ROR1: variants seen among roughly 807,000 people sequenced by gnomAD.
The protein encoded by ROR1 is ROR family WNT receptor 1, also known as inactive tyrosine-protein kinase transmembrane receptor ROR1.
In ROR1, 19 loss-of-function variants were observed where a neutral mutation model predicts 78.8. The observed-to-expected ratio is 0.24, with a 90% CI of 0.17 to 0.35. The LOEUF is 0.35. Among genes scored for constraint, ROR1 ranks in the 10% least tolerant of loss-of-function variants. The pLI is 1.00. For missense variants in ROR1, 917 were observed against 1,177.8 expected, an observed-to-expected ratio of 0.78 and a Z score of 3.24; for synonymous variants, 386 against 433.6, an observed-to-expected ratio of 0.89 and a Z score of 1.36.
intron 1 of ROR1, among the ~76,000 whole-genome samples, chr1:63,855,551 A>T (rs993286597): frequency 6.6e-6 from 1 of 151,540 alleles, no homozygotes; most frequent in Admixed American, 6.6e-5. Flanking sequence ...TTTTGAGTTT[A>T]CTAATATTTA....
intron 1 of ROR1, among the ~76,000 whole-genome samples, chr1:63,923,160 GCA>G (rs1645671565): frequency 6.6e-6 from 1 of 152,158 alleles, no homozygotes; most frequent in African/African-American, 2.4e-5. Flanking sequence ...TCCCAGCGTG[GCA>G]CTTCAGCCCC....
chr1:64,119,949 G>A (rs1300359439), intron 4 of ROR1, among the ~76,000 whole-genome samples: 1 of 152,176 alleles, frequency 6.6e-6, no homozygotes, highest in Non-Finnish European at 1.5e-5. Flanking sequence ...TTAAAAAGGG[G>A]TCTTCTAGAA....
At chr1:63,801,932 T>C (rs1448084148) in intron 1 of ROR1, among the ~76,000 whole-genome samples, 1 of 152,116 alleles carries the variant, frequency 6.6e-6, no homozygotes, top group African/African-American at 2.4e-5. Flanking sequence ...TTCTCTAAAG[T>C]GGATAGAAGC....
intron 4 of ROR1, among the ~76,000 whole-genome samples, chr1:64,066,998 A>G (rs1473301674): frequency 1.3e-5 from 2 of 152,068 alleles, no homozygotes; most frequent in African/African-American, 2.4e-5. Context: ...TTCAAACTCC[A>G]GTGTGTACCT....
intron 1 of ROR1, among the ~76,000 whole-genome samples, chr1:63,803,283 C>A (rs1644807132): frequency 6.6e-6 from 1 of 151,928 alleles, no homozygotes; most frequent in Non-Finnish European, 1.5e-5. Flanking sequence ...ATTAAATTAT[C>A]TACATTGTAT....
chr1:64,056,648 C>A (rs1646877216), intron 4 of ROR1, among the ~76,000 whole-genome samples: 1 of 151,332 alleles, frequency 6.6e-6, no homozygotes, highest in South Asian at 2.1e-4. Context: ...TGCAGTCCAG[C>A]CTGGCCAGCA....
chr1:64,053,965 A>ATTTTATTTTATTTTATTTTATTT (rs1460407003), intron 4 of ROR1, among the ~76,000 whole-genome samples: 2,024 of 151,792 alleles, frequency 0.013, 53 homozygotes, highest in African/African-American at 0.046. Context: ...ATTTTATTTT[A>ATTTTATTTTATTTTATTTTATTT]TTTTGAAACA....
At chr1:64,158,209 T>C (rs1055440997) in intron 7 of ROR1, among the ~76,000 whole-genome samples, 10 of 152,230 alleles carry the variant, frequency 6.6e-5, no homozygotes, top group African/African-American at 2.4e-4. Flanking sequence ...TACTTCAAAG[T>C]GTTAGCACTC....
intron 1 of ROR1, among the ~76,000 whole-genome samples, chr1:63,892,161 T>A (rs1339050522): frequency 6.6e-6 from 1 of 152,204 alleles, no homozygotes; most frequent in Admixed American, 6.5e-5. Flanking sequence ...CAAAGATTAA[T>A]GGACTATGAT....
At chr1:63,844,477 G>A (rs1005699562) in intron 1 of ROR1, among the ~76,000 whole-genome samples, 2 of 152,062 alleles carry the variant, frequency 1.3e-5, no homozygotes. Flanking sequence ...GGGGATGGGG[G>A]GTGTTTTATT....
At chr1:63,883,299 A>G (rs1345423585) in intron 1 of ROR1, among the ~76,000 whole-genome samples, 3 of 152,068 alleles carry the variant, frequency 2.0e-5, no homozygotes, top group African/African-American at 7.2e-5. Context: ...TTTGAGCCCA[A>G]CCTTTAAGTT....
intron 2 of ROR1, among the ~76,000 whole-genome samples, chr1:64,023,142 C>T (rs914191238): frequency 2.0e-5 from 3 of 152,118 alleles, no homozygotes; most frequent in Non-Finnish European, 2.9e-5. Flanking sequence ...TGTGCTGGAT[C>T]GCAGGTAAAC....
chr1:64,000,644 A>G (rs1221265986), intron 1 of ROR1, among the ~76,000 whole-genome samples: 1 of 152,212 alleles, frequency 6.6e-6, no homozygotes, highest in African/African-American at 2.4e-5. Flanking sequence ...AAGGCCCTGG[A>G]TTGGAAAAAG....
At chr1:63,869,396 A>T (rs147410177) in intron 1 of ROR1, among the ~76,000 whole-genome samples, 2 of 152,182 alleles carry the variant, frequency 1.3e-5, no homozygotes, top group East Asian at 3.9e-4. Context: ...GACTGGGCCA[A>T]CTTTGGCCTT....
chr1:63,947,572 A>C (rs1055862920), intron 1 of ROR1, among the ~76,000 whole-genome samples: 5 of 152,132 alleles, frequency 3.3e-5, no homozygotes, highest in African/African-American at 1.2e-4. Flanking sequence ...AGCCAGCTCC[A>C]CTGCAGGCTC....
At chr1:64,144,799 A>G (rs1177651085) in intron 7 of ROR1, among the ~76,000 whole-genome samples, 1 of 152,214 alleles carries the variant, frequency 6.6e-6, no homozygotes, top group Admixed American at 6.5e-5. Flanking sequence ...AATGGCAACA[A>G]TAACAGGTAA....
intron 1 of ROR1, among the ~76,000 whole-genome samples, chr1:63,911,660 G>T (rs1385780960): frequency 5.9e-5 from 9 of 151,996 alleles, no homozygotes; most frequent in Non-Finnish European, 1.0e-4. Flanking sequence ...AAGGACCGCT[G>T]TAGATAGTAG....
At chr1:64,018,117 C>G (rs2100553397) in intron 2 of ROR1, among the ~76,000 whole-genome samples, 1 of 152,222 alleles carries the variant, frequency 6.6e-6, no homozygotes, top group East Asian at 1.9e-4. Flanking sequence ...AACCTATGGA[C>G]TAGGGTCCTG....
chr1:63,831,625 C>T (rs1213883936), intron 1 of ROR1, among the ~76,000 whole-genome samples: 1 of 152,240 alleles, frequency 6.6e-6, no homozygotes, highest in East Asian at 1.9e-4. Flanking sequence ...GTTTTCCCTT[C>T]TAGGCCTCTG....
Sources: allele counts gnomAD v4.1 joint callset (sites outside exome capture counted in the v4.1 genomes callset), GRCh38; gene constraint gnomAD v4.1.1; transcripts MANE v1.5; gene names NCBI Gene and HGNC (gene_info 2026-07-23, HGNC 2026-07-21).